USP8: variants seen among roughly 807,000 people sequenced by gnomAD.
The protein encoded by USP8 is ubiquitin carboxyl-terminal hydrolase 8.
A neutral mutation model predicts 130.0 loss-of-function variants in USP8; 27 were observed. That is an observed-to-expected ratio of 0.21 (90% CI 0.15 to 0.29). USP8 has a LOEUF of 0.29. Ranked by LOEUF, USP8 falls within the 10% of genes least tolerant of loss-of-function variation. The pLI is 1.00. For missense variants in USP8, 1,029 were observed against 1,312.2 expected (o/e 0.78, Z 3.33); for synonymous variants, 392 against 444.1 (o/e 0.88, Z 1.48).
intron 11 of USP8, among the ~76,000 whole-genome samples, chr15:50,482,354 T>C (rs2051804742): frequency 6.6e-6 from 1 of 152,246 alleles, no homozygotes; most frequent in Admixed American, 6.5e-5. Flanking sequence ...TTTTTATGTT[T>C]GATGTATGAT....
At chr15:50,464,821 T>C (rs2051129582) in intron 6 of USP8, among the ~76,000 whole-genome samples, 1 of 152,196 alleles carries the variant, frequency 6.6e-6, no homozygotes, top group South Asian at 2.1e-4. Context: ...GCCACTGCAC[T>C]CCAGCCTGGG....
intron 14 of USP8, among the ~76,000 whole-genome samples, chr15:50,490,792 T>G (rs894029435): frequency 6.6e-6 from 1 of 152,228 alleles, no homozygotes; most frequent in African/African-American, 2.4e-5. Flanking sequence ...TACAGTTTCA[T>G]GCCAGAGTAC....
At chr15:50,453,157 G>A (rs889361177) in intron 4 of USP8, among the ~76,000 whole-genome samples, 1 of 152,240 alleles carries the variant, frequency 6.6e-6, no homozygotes, top group African/African-American at 2.4e-5. Flanking sequence ...GGAGATTTGA[G>A]AATCCATTAT....
At chr15:50,438,236 T>G (rs935366193) in intron 1 of USP8, among the ~76,000 whole-genome samples, 1 of 152,210 alleles carries the variant, frequency 6.6e-6, no homozygotes, top group Non-Finnish European at 1.5e-5. Flanking sequence ...AGATGTTCAT[T>G]GATGTCCATT....
intron 3 of USP8, among the ~76,000 whole-genome samples, chr15:50,443,507 G>A (rs1188470002): frequency 1.3e-5 from 2 of 149,926 alleles, no homozygotes; most frequent in African/African-American, 2.5e-5. Context: ...TTTTAAAGAC[G>A]GAGTCTCACT....
chr15:50,468,602 G>C (rs1395318761), intron 7 of USP8, among the ~76,000 whole-genome samples: 1 of 152,020 alleles, frequency 6.6e-6, no homozygotes, highest in Non-Finnish European at 1.5e-5. Context: ...TTGTTACATA[G>C]GTAAACGTTT....
chr15:50,462,076 GA>G (rs1191783509), intron 5 of USP8, among the ~76,000 whole-genome samples: 2 of 148,374 alleles, frequency 1.3e-5, no homozygotes, highest in African/African-American at 4.8e-5. Context: ...CTATGATTCT[GA>G]AAGATTGCTA....
At chr15:50,442,066 C>T (rs1459351399) in intron 3 of USP8, among the ~76,000 whole-genome samples, 1 of 148,002 alleles carries the variant, frequency 6.8e-6, no homozygotes, top group Non-Finnish European at 1.5e-5. Flanking sequence ...AACCTGTCTC[C>T]TGGGTTCAAG....
At position 50,492,686 on chromosome 15, in the gene USP8, C is replaced by G; in HGVS notation, c.2235-15C>G. ...TCAGCATTTTAAGACATCTTGTATC[C>G]TTTTTCTTCCTCAGGCCAACATGTT... On this transcript the variant is annotated splice_polypyrimidine_tract_variant and intron_variant, in intron 14 of 19. Transcript: ENST00000307179. The G allele has an allele frequency of 6.2e-7, 1 of 1,609,798 alleles. No individual in the cohort carries two copies. The highest frequency in any genetic ancestry group is 8.5e-7 in the Non-Finnish European group (1 of 1,179,418).
At chr15:50,463,658 G>A (rs2051087475) in intron 6 of USP8, among the ~76,000 whole-genome samples, 1 of 152,076 alleles carries the variant, frequency 6.6e-6, no homozygotes, top group Admixed American at 6.5e-5. Context: ...CCTTCTCAGT[G>A]GTTTGTTAAC....
chr15:50,450,584 G>A (rs1345675687), intron 4 of USP8, among the ~76,000 whole-genome samples: 3 of 146,022 alleles, frequency 2.1e-5, no homozygotes, highest in Non-Finnish European at 3.0e-5. Flanking sequence ...TCATTCTCCT[G>A]CCTCAGCCTC....
At position 50,500,682 on chromosome 15, in the gene USP8, G is replaced by A; in HGVS notation, c.*1594G>A. 2.3e-6 allele frequency: 3 copies of A among 1,316,008 alleles called. No homozygotes were observed. The highest frequency in any genetic ancestry group is 3.2e-6 in the Non-Finnish European group (3 of 935,590). The allele number at this position is 1,316,008 out of a possible 1,614,324, so 81.5% of individuals were successfully genotyped here. On this transcript the variant is annotated 3_prime_UTR_variant, in exon 20 of 20. Transcript: ENST00000307179. ...AACGCTTTTGTATTGGTATGGAAAAGGGCTGGCAGCTATAGAACAGGAGAT... is the reference window on the plus strand; with the variant it reads ...AACGCTTTTGTATTGGTATGGAAAAAGGCTGGCAGCTATAGAACAGGAGAT...
In USP8 at chr15:50,492,691, T is replaced by C. The variant is rs1566887966; in HGVS notation, c.2235-10T>C. ...ATTTTAAGACATCTTGTATCCTTTT[T>C]CTTCCTCAGGCCAACATGTTATCCT... On this transcript the variant is annotated splice_polypyrimidine_tract_variant and intron_variant, in intron 14 of 19. Transcript: ENST00000307179. 2 of 1,610,876 alleles carry C rather than the reference T, an allele frequency of 1.2e-6. No individual in the cohort carries two copies. Among genetic ancestry groups the C allele is most frequent in the African/African-American group, 2.7e-5 (2 of 74,860 alleles).
rs1265163177 is a variant in USP8 at position 50,501,611 on chromosome 15, A to C, written c.*2523A>C. The C allele has an allele frequency of 1.3e-5, 2 of 152,022 alleles. No homozygotes were observed. The highest frequency in any genetic ancestry group is 2.1e-4 in the South Asian group (1 of 4,828). 9.4% of individuals were successfully genotyped at this position (152,022 alleles called of 1,614,324 possible). ...ACAGCACAAATTGAGGGGGCTATGT[A>C]GCAACAACCCCTCAATCCCCCATAG... is the stretch of plus-strand genomic sequence containing the variant. On this transcript the variant is annotated 3_prime_UTR_variant, in exon 20 of 20. Coordinates refer to ENST00000307179, the MANE Select transcript of USP8 (RefSeq NM_005154.5).
chr15:50,494,055 C>A lies in USP8; in HGVS notation c.2448-15C>A. The stretch of plus-strand genomic sequence containing the variant: ...TTTCCTTTATTGTCTTTTGTAACAA[C>A]TTTTATTTGCACAGGTCAAATTTGT... On this transcript the variant is annotated splice_polypyrimidine_tract_variant and intron_variant, in intron 15 of 19. Transcript: ENST00000307179. 1 of 1,595,202 alleles carries A rather than the reference C, an allele frequency of 6.3e-7. No homozygotes were observed. The highest frequency in any genetic ancestry group is 8.5e-7 in the Non-Finnish European group (1 of 1,173,670).
chr15:50,498,436 G>A (rs2052496889), intron 18 of USP8, 160 bp from the exon 19 acceptor site: 3 of 922,926 alleles, frequency 3.3e-6, no homozygotes, highest in Non-Finnish European at 4.6e-6. Context: ...AAATGGAAAT[G>A]AAGCCAAATG....
intron 4 of USP8, among the ~76,000 whole-genome samples, chr15:50,457,374 A>G (rs968341945): frequency 6.6e-6 from 1 of 151,054 alleles, no homozygotes; most frequent in Non-Finnish European, 1.5e-5. Context: ...CCTGGCCAAC[A>G]TAGTGAAACC....
At chr15:50,455,492 T>C (rs1195004005) in intron 4 of USP8, among the ~76,000 whole-genome samples, 1 of 152,250 alleles carries the variant, frequency 6.6e-6, no homozygotes, top group Non-Finnish European at 1.5e-5. Flanking sequence ...TGAGCATAGT[T>C]ATAACAGCTG....
chr15:50,457,869 A>C (rs2050844266), intron 4 of USP8, among the ~76,000 whole-genome samples: 1 of 142,460 alleles, frequency 7.0e-6, no homozygotes, highest in African/African-American at 2.7e-5. Flanking sequence ...TCAAAAAAAA[A>C]AAGAAAAGAA....
Sources: gnomAD v4.1 joint callset for allele counts (sites outside exome capture counted in the v4.1 genomes callset) on GRCh38, gnomAD v4.1.1 for gene constraint, MANE v1.5 for transcripts, NCBI Gene and HGNC (gene_info 2026-07-23, HGNC 2026-07-21) for gene names.